NALF1: variants seen among roughly 807,000 people sequenced by gnomAD.
NALF1 encodes family with sequence similarity 155 member A.
In NALF1, 3 loss-of-function variants were observed where a neutral mutation model predicts 48.4. The ratio of observed to expected loss-of-function variants is 0.06; its 90% CI spans 0.03 to 0.16. NALF1 has a LOEUF of 0.16. NALF1 is among the 10% of genes least tolerant of loss of function. The probability of loss-of-function intolerance (pLI) is 1.00; values close to 1 mark genes in which losing one functional copy is unlikely to be tolerated. For missense variants in NALF1, 526 were observed against 571.5 expected (o/e 0.92, Z 0.81); for synonymous variants, 262 against 245.7 (o/e 1.07, Z -0.62).
At chr13:107,640,645 G>A (rs1015944950) in intron 1 of NALF1, among the ~76,000 whole-genome samples, 2 of 152,088 alleles carry the variant, frequency 1.3e-5, no homozygotes, top group Non-Finnish European at 2.9e-5. Context: ...GACAATATTT[G>A]CATAAATAAT....
intron 2 of NALF1, among the ~76,000 whole-genome samples, chr13:107,204,658 G>C (rs1010108018): frequency 6.6e-6 from 1 of 152,190 alleles, no homozygotes; most frequent in South Asian, 2.1e-4. Context: ...AATGGAAGAA[G>C]ATGTCACGAA....
intron 1 of NALF1, among the ~76,000 whole-genome samples, chr13:107,319,729 G>GTGGGC (rs1882218134): frequency 6.6e-6 from 1 of 152,100 alleles, no homozygotes; most frequent in African/African-American, 2.4e-5. Flanking sequence ...AGTTCATGCA[G>GTGGGC]TCAGTAAATG....
chr13:107,537,219 T>C (rs1876852451), intron 1 of NALF1, among the ~76,000 whole-genome samples: 1 of 151,994 alleles, frequency 6.6e-6, no homozygotes, highest in South Asian at 2.1e-4. Flanking sequence ...CCCTAGAACT[T>C]AAAGTATAAT....
intron 1 of NALF1, among the ~76,000 whole-genome samples, chr13:107,461,844 A>G (rs1454687349): frequency 6.6e-6 from 1 of 152,156 alleles, no homozygotes; most frequent in Non-Finnish European, 1.5e-5. Flanking sequence ...TCTCCAGGCA[A>G]AAAGAGCCAA....
chr13:107,172,713 A>C (rs1878832136), intron 2 of NALF1, among the ~76,000 whole-genome samples: 1 of 152,192 alleles, frequency 6.6e-6, no homozygotes, highest in African/African-American at 2.4e-5. Context: ...CCAATACTAC[A>C]TTCTACAACA....
chr13:107,189,273 AAC>A (rs1309443178), intron 2 of NALF1, among the ~76,000 whole-genome samples: 1 of 152,228 alleles, frequency 6.6e-6, no homozygotes, highest in African/African-American at 2.4e-5. Flanking sequence ...ACAGAAATCT[AAC>A]ACACACTGCA....
intron 1 of NALF1, among the ~76,000 whole-genome samples, chr13:107,665,694 C>T (rs1413397815): frequency 2.0e-5 from 3 of 151,658 alleles, no homozygotes; most frequent in African/African-American, 7.3e-5. Flanking sequence ...TGTAAGTTGT[C>T]TTAAATGCTT....
At chr13:107,805,010 A>T (rs919655146) in intron 1 of NALF1, among the ~76,000 whole-genome samples, 41 of 152,192 alleles carry the variant, frequency 2.7e-4, no homozygotes, top group African/African-American at 9.4e-4. Context: ...CATAATTTAA[A>T]TACCATAAAT....
intron 1 of NALF1, among the ~76,000 whole-genome samples, chr13:107,426,580 T>C (rs993026914): frequency 6.6e-6 from 1 of 152,074 alleles, no homozygotes; most frequent in Non-Finnish European, 1.5e-5. Context: ...CAATCAACCA[T>C]AAAAAAGGAA....
intron 1 of NALF1, among the ~76,000 whole-genome samples, chr13:107,757,343 G>A (rs920559914): frequency 6.6e-6 from 1 of 151,508 alleles, no homozygotes. Context: ...TGGAGAAACA[G>A]CAATTTTGGA....
At chr13:107,389,436 G>C (rs1883584327) in intron 1 of NALF1, among the ~76,000 whole-genome samples, 1 of 152,138 alleles carries the variant, frequency 6.6e-6, no homozygotes, top group South Asian at 2.1e-4. Context: ...GTAGAAGAAA[G>C]ACGACATAGA....
intron 1 of NALF1, among the ~76,000 whole-genome samples, chr13:107,773,992 G>C (rs547531704): frequency 2.0e-5 from 3 of 147,294 alleles, no homozygotes; most frequent in African/African-American, 7.3e-5. Context: ...CCCCTTAAAT[G>C]ATCAAGTATT....
intron 1 of NALF1, among the ~76,000 whole-genome samples, chr13:107,826,528 C>A (rs1022275272): frequency 3.3e-5 from 5 of 152,178 alleles, no homozygotes; most frequent in African/African-American, 7.2e-5. Flanking sequence ...GGGCTCCAGG[C>A]TGAATGGTGA....
chr13:107,646,036 C>G (rs930640418), intron 1 of NALF1, among the ~76,000 whole-genome samples: 1 of 152,078 alleles, frequency 6.6e-6, no homozygotes, highest in Non-Finnish European at 1.5e-5. Context: ...AAACAGGATG[C>G]AGCAAACTTG....
At chr13:107,175,905 A>T (rs1034571607) in intron 2 of NALF1, among the ~76,000 whole-genome samples, 1 of 151,944 alleles carries the variant, frequency 6.6e-6, no homozygotes, top group Non-Finnish European at 1.5e-5. Flanking sequence ...GGTCCACTTG[A>T]CTCAAGTCAA....
At chr13:107,611,855 C>T (rs1009969027) in intron 1 of NALF1, among the ~76,000 whole-genome samples, 1 of 150,762 alleles carries the variant, frequency 6.6e-6, no homozygotes, top group East Asian at 2.0e-4. Flanking sequence ...CCCAGGAGTT[C>T]GGGGTTACAG....
chr13:107,353,675 G>A (rs1231921149), intron 1 of NALF1, among the ~76,000 whole-genome samples: 3 of 152,208 alleles, frequency 2.0e-5, no homozygotes, highest in Non-Finnish European at 4.4e-5. Context: ...ACATGTGGCT[G>A]ACATAACTGT....
At chr13:107,416,003 A>AT (rs34177988) in intron 1 of NALF1, among the ~76,000 whole-genome samples, 32,511 of 148,600 alleles carry the variant, frequency 0.22, 3,967 homozygotes, top group Middle Eastern at 0.28. Flanking sequence ...TTATATGCAG[A>AT]TTTTTTTTTC....
chr13:107,303,939 T>C (rs1383518569), intron 1 of NALF1, among the ~76,000 whole-genome samples: 1 of 152,182 alleles, frequency 6.6e-6, no homozygotes, highest in Non-Finnish European at 1.5e-5. Flanking sequence ...TTTTGCAAAA[T>C]CAATCCAAAT....
Sources: allele counts gnomAD v4.1 joint callset (sites outside exome capture counted in the v4.1 genomes callset), GRCh38; gene constraint gnomAD v4.1.1; transcripts MANE v1.5; gene names NCBI Gene and HGNC (gene_info 2026-07-23, HGNC 2026-07-21).